Variants in SERAC1 observed in about 807,000 individuals in gnomAD.
SERAC1 encodes the protein serine active site containing 1.
In SERAC1, 36 loss-of-function variants were observed where a neutral mutation model predicts 85.7. That is an observed-to-expected ratio of 0.42 (90% confidence interval 0.32 to 0.55). SERAC1 has a LOEUF of 0.55. SERAC1 is among the 20% of genes least tolerant of loss of function. The pLI is 0.11. For synonymous variants in SERAC1, 242 were observed against 265.3 expected, an observed-to-expected ratio of 0.91 and a Z score of 0.85; for missense variants, 629 against 796.2, an observed-to-expected ratio of 0.79 and a Z score of 2.53.
intron 6 of SERAC1, 81 bp downstream of exon 6, chr6:158,146,701 C>T: frequency 4.5e-6 from 7 of 1,568,070 alleles, no homozygotes; most frequent in South Asian, 2.3e-5. Context: ...TGAGCCACCG[C>T]ACCTGGCCAC....
At chr6:158,143,844 C>T (rs1013814637) in intron 7 of SERAC1, among the ~76,000 whole-genome samples, 1 of 152,092 alleles carries the variant, frequency 6.6e-6, no homozygotes, top group Non-Finnish European at 1.5e-5. Context: ...CTGGCAACGT[C>T]TGGGGTCATT....
At chr6:158,115,292 C>T (rs1216736333) in intron 14 of SERAC1, among the ~76,000 whole-genome samples, 2 of 152,200 alleles carry the variant, frequency 1.3e-5, no homozygotes, top group African/African-American at 2.4e-5. Flanking sequence ...AGGACATGAG[C>T]GTGGTGTGGC....
intron 10 of SERAC1, among the ~76,000 whole-genome samples, chr6:158,122,264 C>A (rs1202869036): frequency 1.3e-5 from 2 of 152,156 alleles, no homozygotes; most frequent in South Asian, 4.1e-4. Flanking sequence ...GACAAAACTG[C>A]CTAACGATAC....
intron 16 of SERAC1, 83 bp downstream of exon 16, chr6:158,113,365 CT>C: frequency 9.2e-7 from 1 of 1,089,684 alleles, no homozygotes; most frequent in Non-Finnish European, 1.4e-6. Flanking sequence ...AACTGAGAAC[CT>C]GGATATAAAA....
intron 8 of SERAC1, among the ~76,000 whole-genome samples, chr6:158,140,308 G>A (rs1784886885): frequency 6.6e-6 from 1 of 152,166 alleles, no homozygotes; most frequent in African/African-American, 2.4e-5. Flanking sequence ...GAGGACAGAG[G>A]GCCTGAAGGT....
In SERAC1 at chr6:158,114,806, A is replaced by T. The variant is rs1245168537; in HGVS notation, c.1667T>A (p.Val556Asp). The T allele has an allele frequency of 3.7e-6, 6 of 1,613,904 alleles. No homozygotes were observed. Among genetic ancestry groups the T allele is most frequent in the African/African-American group, 1.3e-5 (1 of 74,942 alleles). Reference sequence around the variant, plus strand: ...AGTATTACCCTTGCTGAGTTCTTTGACTTCCAACGAGGGGAAGAGAAGATA... The same window carrying T: ...AGTATTACCCTTGCTGAGTTCTTTGTCTTCCAACGAGGGGAAGAGAAGATA... The part of the protein sequence containing the change: ...IRYLLFPSLE[V>D]KELSKDSPAL... Residue 556 changes from valine to aspartate, a missense_variant, in exon 15 of 17, where the codon GTC becomes GAC. By Grantham distance (152) the Val-to-Asp change is radical (BLOSUM62 -3). Coordinates refer to ENST00000647468, the MANE Select transcript of SERAC1 (RefSeq NM_032861.4).
intron 3 of SERAC1, among the ~76,000 whole-genome samples, chr6:158,153,848 C>T (rs753998286): frequency 1.3e-5 from 2 of 152,042 alleles, no homozygotes; most frequent in African/African-American, 4.8e-5. Context: ...CCTCTGCCCT[C>T]GGCCAAGGGC....
chr6:158,134,940 A>T (rs1177622545), intron 8 of SERAC1, among the ~76,000 whole-genome samples: 1 of 152,178 alleles, frequency 6.6e-6, no homozygotes, highest in African/African-American at 2.4e-5. Context: ...ACATCAGCCA[A>T]TAAGTGTTGA....
intron 12 of SERAC1, among the ~76,000 whole-genome samples, chr6:158,118,627 A>AAC (rs1308465818): frequency 1.3e-5 from 2 of 151,524 alleles, no homozygotes; most frequent in Non-Finnish European, 2.9e-5. Context: ...TCAAAAAAAA[A>AAC]AAAAAAAAAG....
At chr6:158,130,000 T>G (rs1205079387) in intron 9 of SERAC1, among the ~76,000 whole-genome samples, 1 of 152,206 alleles carries the variant, frequency 6.6e-6, no homozygotes, top group East Asian at 1.9e-4. Flanking sequence ...CCAGCCTGTT[T>G]TTTCTTTTAT....
chr6:158,156,992 T>C (rs571047449), intron 2 of SERAC1, among the ~76,000 whole-genome samples: 35 of 123,086 alleles, frequency 2.8e-4, no homozygotes, highest in African/African-American at 1.0e-3. Context: ...TAAATACATA[T>C]AAACTATATA....
chr6:158,115,047 C>A (rs1009433049), intron 14 of SERAC1, 76 bp from the exon 15 acceptor site: 2 of 1,432,190 alleles, frequency 1.4e-6, no homozygotes, highest in East Asian at 2.3e-5. Context: ...AAGAAAAGGC[C>A]AAACAAGAAA....
At chr6:158,131,475 TATAATATA>T (rs1015528492) in intron 8 of SERAC1, among the ~76,000 whole-genome samples, 70 of 33,550 alleles carry the variant, frequency 2.1e-3, no homozygotes, top group Admixed American at 9.0e-3. Flanking sequence ...AATACATAAA[TATAATATA>T]AATATATTTT....
At chr6:158,118,012 G>C (rs1008436762) in intron 12 of SERAC1, among the ~76,000 whole-genome samples, 191 bp from the exon 13 acceptor site, 1 of 152,220 alleles carries the variant, frequency 6.6e-6, no homozygotes, top group Non-Finnish European at 1.5e-5. Context: ...AGTGGTACCA[G>C]TATTTATAGC....
chr6:158,118,988 AG>A, intron 12 of SERAC1, 40 bp downstream of exon 12: 1 of 1,582,318 alleles, frequency 6.3e-7, no homozygotes, highest in East Asian at 2.3e-5. Context: ...CCCAGCAACC[AG>A]GGCCCCAGCA....
chr6:158,125,037 T>C (rs1267796010), intron 10 of SERAC1, among the ~76,000 whole-genome samples: 1 of 152,168 alleles, frequency 6.6e-6, no homozygotes, highest in Non-Finnish European at 1.5e-5. Context: ...ATTTTTGATT[T>C]CTTATATTCT....
chr6:158,113,666 A>G lies in SERAC1; in HGVS notation c.1685-74T>C, dbSNP rs959765635. 33 of 1,306,572 alleles carry G rather than the reference A, an allele frequency of 2.5e-5. 1 individual carries two copies. In the African/African-American group the frequency reaches 3.4e-4, roughly 13 times the overall value. The allele number at this position is 1,306,572 out of a possible 1,614,324, so 80.9% of individuals were successfully genotyped here. On this transcript the variant is annotated intron_variant, in intron 15 of 16. Coordinates refer to ENST00000647468, the MANE Select transcript of SERAC1 (RefSeq NM_032861.4). ...ATAATAAAATGCATTAATCTTTCAA[A>G]TTTAGAGAGGAAATTAGAATTCTGA...
At chr6:158,145,938 T>C (rs541551704) in intron 6 of SERAC1, 1 of 152,350 alleles carries the variant, frequency 6.6e-6, no homozygotes, top group Non-Finnish European at 1.5e-5. Flanking sequence ...AAAATATTTT[T>C]ATTGTAAAAT....
chr6:158,147,088 AC>A (rs1785079482), intron 5 of SERAC1, among the ~76,000 whole-genome samples, 175 bp from the exon 6 acceptor site: 2 of 152,286 alleles, frequency 1.3e-5, no homozygotes, highest in South Asian at 4.1e-4. Flanking sequence ...ATTATCTTTT[AC>A]AGTTATTATG....
Sources: allele counts gnomAD v4.1 joint callset (sites outside exome capture counted in the v4.1 genomes callset), GRCh38; gene constraint gnomAD v4.1.1; transcripts MANE v1.5; gene names NCBI Gene and HGNC (gene_info 2026-07-23, HGNC 2026-07-21).